The following THEMIS variants were observed in gnomAD, a reference collection of about 807,000 sequenced individuals.
THEMIS encodes the protein protein THEMIS.
Under a neutral mutation model 52.6 loss-of-function variants are expected in THEMIS, and 37 were observed. That is an observed-to-expected ratio of 0.70 (90% CI 0.54 to 0.93). The LOEUF is 0.93. Among genes scored for constraint, THEMIS ranks in the 40% least tolerant of loss-of-function variants. THEMIS has a pLI of 0.00. For missense variants in THEMIS, 808 were observed against 763.1 expected (o/e 1.06, Z -0.69); for synonymous variants, 292 against 272.7 (o/e 1.07, Z -0.70).
rs1773859060 is a variant in THEMIS at position 127,708,300 on chromosome 6, G to T, written c.*1685C>A. 1 of 152,096 alleles carries T rather than the reference G, an allele frequency of 6.6e-6. No individual in the cohort carries two copies. The highest frequency in any genetic ancestry group is 2.4e-5 in the African/African-American group (1 of 41,424). 9.4% of individuals were successfully genotyped at this position (152,096 alleles called of 1,614,324 possible). On this transcript the variant is annotated 3_prime_UTR_variant, in exon 6 of 6. Coordinates refer to ENST00000368248, the MANE Select transcript of THEMIS (RefSeq NM_001010923.3). Reference sequence around the variant, plus strand: ...ATCAAGACAACTGGAAACACAGTATGTGAAAGGACTTATATTTAGAAATGT... The same window carrying T: ...ATCAAGACAACTGGAAACACAGTATTTGAAAGGACTTATATTTAGAAATGT...
At chr6:127,894,973 A>G (rs930533506) in intron 1 of THEMIS, among the ~76,000 whole-genome samples, 4 of 148,710 alleles carry the variant, frequency 2.7e-5, no homozygotes, top group Non-Finnish European at 4.5e-5. Context: ...AAATACATAT[A>G]TTTATATGAA....
Position 127,813,794 on chromosome 6 carries a change from T to C in THEMIS, c.847A>G (p.Ile283Val), listed in dbSNP as rs776518917. ...LFEMTSKEFP[I>V]VTEVIEAPEG... Reference sequence around the variant, plus strand: ...GGTGCTTCTATGACTTCAGTCACTATGGGGAACTCTTTACTAGTCATTTCA... The same window carrying C: ...GGTGCTTCTATGACTTCAGTCACTACGGGGAACTCTTTACTAGTCATTTCA... Residue 283 changes from isoleucine (I) to valine (V), a missense_variant, in exon 4 of 6, where the codon ATA becomes GTA. Physicochemically the swap from Ile to Val is conservative, Grantham distance 29. Coordinates refer to ENST00000368248, the MANE Select transcript of THEMIS (RefSeq NM_001010923.3). The C allele has an allele frequency of 1.2e-6, 2 of 1,614,080 alleles. No homozygotes were observed. Among genetic ancestry groups the C allele is most frequent in the East Asian group, 2.2e-5 (1 of 44,876 alleles).
At chr6:127,732,461 T>C (rs181792829) in intron 4 of THEMIS, among the ~76,000 whole-genome samples, 63 of 152,306 alleles carry the variant, frequency 4.1e-4, no homozygotes, top group African/African-American at 1.5e-3. Context: ...AATGACTTGA[T>C]ATAAATTGAA....
chr6:127,809,535 T>A (rs1203918331), intron 4 of THEMIS, among the ~76,000 whole-genome samples: 2 of 152,098 alleles, frequency 1.3e-5, no homozygotes, highest in African/African-American at 2.4e-5. Flanking sequence ...TAAAGTGATT[T>A]CAGAGAAAAT....
At chr6:127,881,689 C>A (rs1374625553) in intron 1 of THEMIS, among the ~76,000 whole-genome samples, 1 of 151,806 alleles carries the variant, frequency 6.6e-6, no homozygotes, top group Non-Finnish European at 1.5e-5. Context: ...ATACAACTGG[C>A]ATTGCTTTTA....
At chr6:127,786,906 G>T (rs1452005223) in intron 4 of THEMIS, among the ~76,000 whole-genome samples, 3 of 152,112 alleles carry the variant, frequency 2.0e-5, no homozygotes, top group Non-Finnish European at 4.4e-5. Context: ...AAAACCAGCA[G>T]CCTTGCAATC....
intron 4 of THEMIS, among the ~76,000 whole-genome samples, chr6:127,747,414 T>A (rs1458434251): frequency 6.8e-6 from 1 of 147,108 alleles, no homozygotes; most frequent in South Asian, 2.1e-4. Flanking sequence ...ATTATAGATG[T>A]AGATATGAAT....
intron 4 of THEMIS, among the ~76,000 whole-genome samples, chr6:127,752,146 T>C (rs1351984651): frequency 2.0e-5 from 3 of 151,582 alleles, no homozygotes; most frequent in Admixed American, 6.6e-5. Flanking sequence ...TCCAAACTTA[T>C]AGGATGCAGC....
At chr6:127,782,592 C>T (rs1379719695) in intron 4 of THEMIS, among the ~76,000 whole-genome samples, 1 of 152,196 alleles carries the variant, frequency 6.6e-6, no homozygotes, top group Admixed American at 6.5e-5. Flanking sequence ...GAGGCAATGC[C>T]CCGCCCTGCT....
intron 1 of THEMIS, among the ~76,000 whole-genome samples, chr6:127,893,018 A>G (rs1780858095): frequency 6.6e-6 from 1 of 152,056 alleles, no homozygotes; most frequent in South Asian, 2.1e-4. Context: ...TGTTTGCTCT[A>G]TATTATGTAA....
upstream of THEMIS, among the ~76,000 whole-genome samples, chr6:127,904,816 T>C (rs956269795): frequency 1.6e-4 from 24 of 151,918 alleles, no homozygotes; most frequent in African/African-American, 5.6e-4. Context: ...CGGATGAAAA[T>C]TCTAGAGTTA....
chr6:127,741,775 A>G (rs1775210724), intron 4 of THEMIS, among the ~76,000 whole-genome samples: 1 of 152,250 alleles, frequency 6.6e-6, no homozygotes, highest in South Asian at 2.1e-4. Context: ...GGTCAAGGTT[A>G]CATGAGGCTG....
chr6:127,722,374 T>C (rs901237092), intron 4 of THEMIS, among the ~76,000 whole-genome samples: 2 of 151,996 alleles, frequency 1.3e-5, no homozygotes, highest in African/African-American at 4.8e-5. Flanking sequence ...TACCCTGGCA[T>C]CTCTTTTCTG....
At chr6:127,785,405 T>G (rs1418767238) in intron 4 of THEMIS, among the ~76,000 whole-genome samples, 2 of 151,942 alleles carry the variant, frequency 1.3e-5, no homozygotes, top group Non-Finnish European at 2.9e-5. Flanking sequence ...ACATGGCACA[T>G]GTATACATAT....
intron 4 of THEMIS, among the ~76,000 whole-genome samples, chr6:127,780,926 T>C (rs1280253936): frequency 6.6e-6 from 1 of 152,164 alleles, no homozygotes; most frequent in Non-Finnish European, 1.5e-5. Flanking sequence ...TTCCTGAATC[T>C]GAATGTTGGC....
chr6:127,904,806 C>T (rs987316545), upstream of THEMIS, among the ~76,000 whole-genome samples: 4 of 151,986 alleles, frequency 2.6e-5, no homozygotes, highest in South Asian at 2.1e-4. Flanking sequence ...TAGAAAGTAT[C>T]GGATGAAAAT....
intron 4 of THEMIS, among the ~76,000 whole-genome samples, chr6:127,749,374 G>A (rs1004486782): frequency 5.3e-5 from 8 of 152,096 alleles, no homozygotes; most frequent in East Asian, 1.9e-4. Flanking sequence ...TCTATGTCAC[G>A]TTAGCGGGGA....
chr6:127,704,207 G>T (rs1030997908), downstream of THEMIS, among the ~76,000 whole-genome samples: 4 of 152,152 alleles, frequency 2.6e-5, no homozygotes, highest in Non-Finnish European at 2.9e-5. Context: ...ATTTAGTAAG[G>T]CTTTTGGGGT....
At chr6:127,803,760 C>T (rs1423272255) in intron 4 of THEMIS, among the ~76,000 whole-genome samples, 3 of 152,156 alleles carry the variant, frequency 2.0e-5, no homozygotes, top group Admixed American at 6.5e-5. Flanking sequence ...AAAGAAAAGT[C>T]CTAAGCATGA....
Sources: gnomAD v4.1 joint callset for allele counts (sites outside exome capture counted in the v4.1 genomes callset) on GRCh38, gnomAD v4.1.1 for gene constraint, MANE v1.5 for transcripts, NCBI Gene and HGNC (gene_info 2026-07-23, HGNC 2026-07-21) for gene names.